SYTL2: variants seen among roughly 807,000 people sequenced by gnomAD.
SYTL2 encodes the protein synaptotagmin like 2, also known as synaptotagmin-like protein 2.
A neutral mutation model predicts 198.7 loss-of-function variants in SYTL2; 165 were observed. That is an observed-to-expected ratio of 0.83 (90% CI 0.73 to 0.94). SYTL2 has a LOEUF of 0.94. SYTL2 is among the 40% of genes least tolerant of loss of function. The pLI is 0.00. For missense variants in SYTL2, 2,835 were observed against 2,582.8 expected (o/e 1.10, Z -2.12); for synonymous variants, 966 against 917.7 (o/e 1.05, Z -0.95).
At chr11:85,740,043 T>C (rs1439752359) in intron 4 of SYTL2, among the ~76,000 whole-genome samples, 1 of 152,168 alleles carries the variant, frequency 6.6e-6, no homozygotes, top group Non-Finnish European at 1.5e-5. Context: ...CATTCTACGT[T>C]CTACCACTAC....
the SYTL2 span, chr11:85,853,719 A>G: frequency 1.3e-5 from 2 of 152,896 alleles, no homozygotes; most frequent in African/African-American, 2.4e-5. Context: ...CCCCATCTCA[A>G]ATTCAAACCC....
chr11:85,844,847 C>G, the SYTL2 span, among the ~76,000 whole-genome samples: 6 of 151,890 alleles, frequency 4.0e-5, no homozygotes, highest in East Asian at 9.6e-4. Context: ...CATCACAGAG[C>G]CTGTAATCTT....
chr11:85,851,533 T>G, the SYTL2 span, among the ~76,000 whole-genome samples: 1 of 152,258 alleles, frequency 6.6e-6, no homozygotes, highest in Non-Finnish European at 1.5e-5. Context: ...CTTTCCTACG[T>G]CTATTTCTAC....
At chr11:85,748,927 T>C (rs1396501070) in intron 2 of SYTL2, among the ~76,000 whole-genome samples, 2 of 152,188 alleles carry the variant, frequency 1.3e-5, no homozygotes, top group Non-Finnish European at 2.9e-5. Context: ...ATCAGTCCTT[T>C]CCATTTTGGG....
intron 1 of SYTL2, among the ~76,000 whole-genome samples, chr11:85,801,579 G>C (rs2092887590): frequency 6.6e-6 from 1 of 152,138 alleles, no homozygotes; most frequent in African/African-American, 2.4e-5. Flanking sequence ...GTGCAAACAA[G>C]TATGCCAATC....
At chr11:85,822,957 G>A in the SYTL2 span, among the ~76,000 whole-genome samples, 2 of 152,246 alleles carry the variant, frequency 1.3e-5, 1 homozygote, top group South Asian at 4.1e-4. Flanking sequence ...GAAGAGAATG[G>A]TAAGGTCGCC....
At chr11:85,829,342 G>T in the SYTL2 span, among the ~76,000 whole-genome samples, 1 of 152,088 alleles carries the variant, frequency 6.6e-6, no homozygotes, top group African/African-American at 2.4e-5. Context: ...TTAGGATAAT[G>T]GTCTCCAGGT....
intron 1 of SYTL2, among the ~76,000 whole-genome samples, chr11:85,801,972 G>T (rs1312296245): frequency 1.3e-5 from 2 of 151,532 alleles, no homozygotes; most frequent in Non-Finnish European, 2.9e-5. Flanking sequence ...CCACCACCAT[G>T]CCCGGCTAAG....
At chr11:85,829,797 G>A in the SYTL2 span, among the ~76,000 whole-genome samples, 3 of 152,176 alleles carry the variant, frequency 2.0e-5, no homozygotes, top group Non-Finnish European at 4.4e-5. Context: ...GATGATTAAT[G>A]ATGCTGGAGC....
intron 15 of SYTL2, among the ~76,000 whole-genome samples, chr11:85,706,251 C>G (rs141082980): frequency 3.9e-5 from 6 of 152,306 alleles, no homozygotes; most frequent in Admixed American, 3.9e-4. Context: ...TAGGTAAGTA[C>G]TATTATTATC....
At chr11:85,763,535 G>C (rs1294768342) in intron 1 of SYTL2, among the ~76,000 whole-genome samples, 1 of 152,112 alleles carries the variant, frequency 6.6e-6, no homozygotes, top group African/African-American at 2.4e-5. Context: ...CTGCTGTGAG[G>C]AGGGGCCCAG....
chr11:85,782,156 G>A (rs573264969), intron 1 of SYTL2, among the ~76,000 whole-genome samples: 13 of 152,352 alleles, frequency 8.5e-5, no homozygotes, highest in Admixed American at 2.0e-4. Flanking sequence ...CTAGGTGGAC[G>A]TTCCCAAACG....
chr11:85,737,764 C>G, intron 4 of SYTL2, 108 bp from the exon 5 acceptor site: 1 of 848,964 alleles, frequency 1.2e-6, no homozygotes, highest in East Asian at 2.6e-5. Flanking sequence ...GAAGCTGGTG[C>G]AGAAGAATAA....
rs1218714422 is a variant in SYTL2 at position 85,727,643 on chromosome 11, C to A, written c.1715G>T (p.Gly572Val). The A allele has an allele frequency of 1.0e-5, 16 of 1,536,198 alleles. No homozygotes were observed. The highest frequency in any genetic ancestry group is 1.0e-5 in the Non-Finnish European group (12 of 1,146,772). ...TTTGCTGGGTGATAGGGTCTTTGAG[C>A]CATTTTCTCTTAAAGTAGTGTCATC... ...VTDDTTLREN[G>V]SKTLSPSKIE... The change falls in exon 8 of 20, where the codon GGC becomes GTC. Residue 572 changes from glycine (G) to valine (V), a missense_variant. Gly to Val is a moderately radical substitution (Grantham distance 109). This residue lies in a region of SYTL2 where 2,645 missense variants were observed against 2,381.7 expected (regional missense o/e 1.11). Coordinates refer to ENST00000359152, the MANE Select transcript of SYTL2 (RefSeq NM_206927.4).
intron 4 of SYTL2, among the ~76,000 whole-genome samples, chr11:85,739,934 C>A (rs2090658985): frequency 6.6e-6 from 1 of 152,184 alleles, no homozygotes. Context: ...GAGACTCCCA[C>A]ATCTGTCTCT....
chr11:85,704,841 A>T lies in SYTL2; in HGVS notation c.6189+17T>A. On this transcript the variant is annotated intron_variant, in intron 16 of 19. Coordinates refer to ENST00000359152, the MANE Select transcript of SYTL2 (RefSeq NM_206927.4). ...CATCAACCAACCAAATAAACAAACA[A>T]AAAATTCCGGACTCACCTTCCGCTT... The T allele has an allele frequency of 6.2e-7, 1 of 1,608,390 alleles. No individual in the cohort carries two copies.
the SYTL2 span, among the ~76,000 whole-genome samples, chr11:85,848,042 C>T: frequency 1.3e-5 from 2 of 152,088 alleles, no homozygotes; most frequent in South Asian, 4.2e-4. Context: ...GCCTAGGCAA[C>T]AAGACAAGAC....
chr11:85,824,551 C>T, the SYTL2 span, among the ~76,000 whole-genome samples: 1 of 152,130 alleles, frequency 6.6e-6, no homozygotes, highest in Non-Finnish European at 1.5e-5. Flanking sequence ...TATTGAGTAA[C>T]AGAAAATATT....
intron 1 of SYTL2, among the ~76,000 whole-genome samples, chr11:85,797,887 T>C (rs1475024270): frequency 1.3e-5 from 2 of 152,028 alleles, no homozygotes; most frequent in Non-Finnish European, 2.9e-5. Context: ...GGAGTCTCAC[T>C]CTGTCACCCA....
Sources: gnomAD v4.1 joint callset for allele counts (sites outside exome capture counted in the v4.1 genomes callset) on GRCh38, gnomAD v4.1.1 for gene constraint, gnomAD v4.1.1 regional missense constraint, MANE v1.5 for transcripts, NCBI Gene and HGNC (gene_info 2026-07-23, HGNC 2026-07-21) for gene names.